The following TAX1BP1 variants were observed in gnomAD, a reference collection of about 807,000 sequenced individuals.
TAX1BP1 encodes the protein Tax1 binding protein 1.
A neutral mutation model predicts 97.7 loss-of-function variants in TAX1BP1; 62 were observed. The observed-to-expected ratio is 0.63, with a 90% CI of 0.52 to 0.78. The LOEUF is 0.78. Among genes scored for constraint, TAX1BP1 ranks in the 30% least tolerant of loss-of-function variants. The probability of loss-of-function intolerance (pLI) is 0.00; values close to 1 mark genes in which losing one functional copy is unlikely to be tolerated. For synonymous variants in TAX1BP1, 340 were observed against 304.2 expected, an observed-to-expected ratio of 1.12 and a Z score of -1.23; for missense variants, 867 against 916.1, an observed-to-expected ratio of 0.95 and a Z score of 0.69.
Position 27,796,219 on chromosome 7 carries a change from G to C in TAX1BP1, c.1638G>C (p.Gln546His), listed in dbSNP as rs147154541. 256 of 1,572,348 alleles carry C rather than the reference G, an allele frequency of 1.6e-4. No individual in the cohort carries two copies. The highest frequency in any genetic ancestry group is 2.1e-4 in the Non-Finnish European group (242 of 1,165,414). ...EKYNKCKQLL[Q>H]DEKAKCNKYA... The stretch of plus-strand genomic sequence containing the variant: ...ATAATAAATGTAAACAACTCTTGCA[G>C]GTAAGTTAACTACCTTGTAAGTGAA... The change falls in exon 12 of 17, where the codon CAG (glutamine) becomes CAC (histidine). Residue 546 changes from glutamine (Q) to histidine (H), a missense_variant and splice_region_variant. Gln to His is a conservative substitution (Grantham distance 24, BLOSUM62 0). This residue lies in a region of TAX1BP1 where 822 missense variants were observed against 851.4 expected (regional missense o/e 0.97). Transcript: ENST00000396319.
chr7:27,785,389 CCTAT>C lies in TAX1BP1; in HGVS notation c.762-7_762-4del. On this transcript the variant is annotated splice_region_variant and splice_polypyrimidine_tract_variant and intron_variant, in intron 6 of 16. Transcript: ENST00000396319. ...AACATTATAATGTTACTTTATCATA[CCTAT>C]CTTAGTTTAAAGGACAAACTCAAGA... 6.2e-7 allele frequency: 1 copy of C among 1,605,840 alleles called. No homozygotes were observed. Among genetic ancestry groups the C allele is most frequent in the Non-Finnish European group, 8.5e-7 (1 of 1,176,714 alleles).
At chr7:27,743,688 CATT>C (rs1168048626) in intron 1 of TAX1BP1, among the ~76,000 whole-genome samples, 1 of 152,014 alleles carries the variant, frequency 6.6e-6, no homozygotes, top group Non-Finnish European at 1.5e-5. Context: ...CCCCCTCTAA[CATT>C]AATTTTTTCC....
At chr7:27,805,506 A>G (rs1790304876) in intron 13 of TAX1BP1, among the ~76,000 whole-genome samples, 1 of 152,072 alleles carries the variant, frequency 6.6e-6, no homozygotes, top group Admixed American at 6.5e-5. Context: ...TACTGCCTTG[A>G]CCAGCAATGT....
intron 5 of TAX1BP1, among the ~76,000 whole-genome samples, chr7:27,770,523 A>G (rs944440610): frequency 7.2e-5 from 11 of 152,096 alleles, no homozygotes; most frequent in African/African-American, 1.9e-4. Flanking sequence ...TCTCATGTAC[A>G]GTAGAGCCGG....
At chr7:27,775,027 CATTT>C (rs1788976965) in intron 5 of TAX1BP1, among the ~76,000 whole-genome samples, 1 of 152,092 alleles carries the variant, frequency 6.6e-6, no homozygotes, top group African/African-American at 2.4e-5. Flanking sequence ...ATTTGGTTTA[CATTT>C]ATTTAAGATT....
rs765927411 is a variant in TAX1BP1, at chr7:27,793,058, C to A, written c.1264-8C>A. On this transcript the variant is annotated splice_polypyrimidine_tract_variant and splice_region_variant and intron_variant, in intron 9 of 16. Coordinates refer to ENST00000396319, the MANE Select transcript of TAX1BP1 (RefSeq NM_006024.7). ...TATTTTTTTCTTCAAATGTTTGTTTCTTTCTAGGACAAGACTGATACACTG... is the reference window on the plus strand; with the variant it reads ...TATTTTTTTCTTCAAATGTTTGTTTATTTCTAGGACAAGACTGATACACTG... The A allele has an allele frequency of 6.4e-7, 1 of 1,573,432 alleles. No homozygotes were observed.
chr7:27,792,315 C>A, intron 9 of TAX1BP1, 85 bp downstream of exon 9: 1 of 1,218,852 alleles, frequency 8.2e-7, no homozygotes, highest in Non-Finnish European at 1.1e-6. Context: ...TAAGATAAGA[C>A]AGGTCAGATT....
chr7:27,758,952 T>C (rs1788326817), intron 3 of TAX1BP1, among the ~76,000 whole-genome samples: 2 of 151,930 alleles, frequency 1.3e-5, no homozygotes. Context: ...ATGCTTGAGA[T>C]AGTAAATTTT....
At chr7:27,801,681 C>T (rs1221019926) in intron 13 of TAX1BP1, among the ~76,000 whole-genome samples, 4 of 152,168 alleles carry the variant, frequency 2.6e-5, no homozygotes, top group Non-Finnish European at 5.9e-5. Flanking sequence ...CCTAGGTAAT[C>T]ATCTATAAGC....
At position 27,813,889 on chromosome 7, in the gene TAX1BP1, GT is replaced by G. The variant is rs950411054; in HGVS notation, c.1765-2450del. On this transcript the variant is annotated intron_variant, in intron 13 of 16. Coordinates refer to ENST00000396319, the MANE Select transcript of TAX1BP1 (RefSeq NM_006024.7). ...TTAATTTTCTTTCAATTTATGTGTA[GT>G]TTTTTTTTTAACGGTCACTAAATTT... is the stretch of plus-strand genomic sequence containing the variant. 5.0e-4 allele frequency among the ~76,000 whole-genome samples: 74 copies of G among 149,122 alleles called. No individual in the cohort carries two copies. In the East Asian group the frequency reaches 9.9e-3, roughly 20 times the overall value.
chr7:27,808,186 T>A (rs1380852778), intron 13 of TAX1BP1, among the ~76,000 whole-genome samples: 1 of 152,134 alleles, frequency 6.6e-6, no homozygotes, highest in Non-Finnish European at 1.5e-5. Flanking sequence ...CAGACAGAGC[T>A]GGAAAATATG....
At chr7:27,760,246 A>G (rs116277563) in intron 3 of TAX1BP1, among the ~76,000 whole-genome samples, 2,146 of 152,274 alleles carry the variant, frequency 0.014, 46 homozygotes, top group African/African-American at 0.047. Flanking sequence ...TGTTTTAACA[A>G]ACTAAAAGAA....
intron 4 of TAX1BP1, among the ~76,000 whole-genome samples, chr7:27,766,408 AG>A (rs1788638737): frequency 2.4e-5 from 3 of 122,936 alleles, no homozygotes; most frequent in Non-Finnish European, 5.0e-5. Context: ...CGACAGAGCG[AG>A]ACTCCGTATC....
chr7:27,743,652 G>A (rs77739948), intron 1 of TAX1BP1, among the ~76,000 whole-genome samples: 1,620 of 152,266 alleles, frequency 0.011, 23 homozygotes, highest in Non-Finnish European at 0.013. Context: ...AAAATGAACC[G>A]ACACTTTACT....
Position 27,787,991 on chromosome 7 carries a change from G to A in TAX1BP1, c.1038+388G>A, listed in dbSNP as rs544526655. Among the ~76,000 whole-genome samples the A allele has an allele frequency of 1.2e-4, 18 of 152,126 alleles. No individual in the cohort carries two copies. The South Asian group carries it at 3.7e-3, about 31-fold the overall frequency. On this transcript the variant is annotated intron_variant, in intron 8 of 16. Coordinates refer to ENST00000396319, the MANE Select transcript of TAX1BP1 (RefSeq NM_006024.7). ...AGTTCACAATCACATTGCCCCAAATGTATTCTTATATAATCTTTAAAATTT... is the reference window on the plus strand; with the variant it reads ...AGTTCACAATCACATTGCCCCAAATATATTCTTATATAATCTTTAAAATTT...
chr7:27,785,035 C>T lies in TAX1BP1; in HGVS notation c.613-128C>T. 3 of 891,140 alleles carry T rather than the reference C, an allele frequency of 3.4e-6. No homozygotes were observed. The South Asian group carries it at 6.6e-5, about 20-fold the overall frequency. The allele number at this position is 891,140 out of a possible 1,614,324, so 55.2% of individuals were successfully genotyped here. A position where few individuals can be genotyped will look rare whatever the true frequency, so the allele number is the denominator to read the frequency against. ...ATTTCAAGTTTTATAGTCTTAGCTT[C>T]TCAAATTTGGAGGGAACAAATGTGG... is the stretch of plus-strand genomic sequence containing the variant. On this transcript the variant is annotated intron_variant, in intron 5 of 16. Coordinates refer to ENST00000396319, the MANE Select transcript of TAX1BP1 (RefSeq NM_006024.7).
chr7:27,758,216 T>G (rs1290542815), intron 3 of TAX1BP1, 83 bp downstream of exon 3: 1 of 1,107,610 alleles, frequency 9.0e-7, no homozygotes, highest in Non-Finnish European at 1.3e-6. Flanking sequence ...TAATGATTTG[T>G]TCAGGTATCT....
intron 15 of TAX1BP1, among the ~76,000 whole-genome samples, chr7:27,818,270 G>C (rs1790854526): frequency 6.6e-6 from 1 of 152,164 alleles, no homozygotes; most frequent in Non-Finnish European, 1.5e-5. Context: ...GACATGCTTA[G>C]ATTTGGTAAT....
At chr7:27,766,830 CAG>C (rs916293534) in intron 4 of TAX1BP1, among the ~76,000 whole-genome samples, 9 of 152,290 alleles carry the variant, frequency 5.9e-5, no homozygotes, top group Admixed American at 1.3e-4. Context: ...GGCAGTGAGT[CAG>C]GGGAGCTTCC....
Sources: gnomAD v4.1 joint callset for allele counts (sites outside exome capture counted in the v4.1 genomes callset) on GRCh38, gnomAD v4.1.1 for gene constraint, gnomAD v4.1.1 regional missense constraint, MANE v1.5 for transcripts, NCBI Gene and HGNC (gene_info 2026-07-23, HGNC 2026-07-21) for gene names.